Variants in EPHB2 observed in about 807,000 individuals in gnomAD.
The protein encoded by EPHB2 is ephrin type-B receptor 2.
EPHB2 carries 18 observed loss-of-function variants against 96.4 expected under a neutral mutation model. That is an observed-to-expected ratio of 0.19 (90% CI 0.13 to 0.28). EPHB2 has a LOEUF of 0.28. Among genes scored for constraint, EPHB2 ranks in the 10% least tolerant of loss-of-function variants. EPHB2 has a pLI of 1.00. For synonymous variants in EPHB2, 506 were observed against 534.1 expected (o/e 0.95, Z 0.72); for missense variants, 989 against 1,355.4 (o/e 0.73, Z 4.25).
intron 3 of EPHB2, among the ~76,000 whole-genome samples, chr1:22,811,231 G>A (rs1644997810): frequency 6.6e-6 from 1 of 152,136 alleles, no homozygotes; most frequent in South Asian, 2.1e-4. Flanking sequence ...TGTGCTTTGG[G>A]TACCACTGGC....
chr1:22,802,664 C>T (rs919517155), intron 3 of EPHB2, among the ~76,000 whole-genome samples: 5 of 152,136 alleles, frequency 3.3e-5, no homozygotes, highest in African/African-American at 7.2e-5. Context: ...CACCCAGCCC[C>T]ACCCCCAACT....
intron 1 of EPHB2, 53 bp downstream of exon 1, chr1:22,711,096 G>T: frequency 6.8e-6 from 1 of 147,174 alleles, no homozygotes; most frequent in South Asian, 1.8e-4. Context: ...GGCCGGGCAC[G>T]GGCGGCCGCC....
rs1261896962 is a variant in EPHB2, at chr1:22,790,760, G to A, written c.811+5684G>A. 3.9e-5 allele frequency among the ~76,000 whole-genome samples: 6 copies of A among 152,368 alleles called. No homozygotes were observed. The South Asian group carries it at 6.2e-4, about 16-fold the overall frequency. On this transcript the variant is annotated intron_variant, in intron 3 of 15. Coordinates refer to ENST00000374630, the MANE Select transcript of EPHB2 (RefSeq NM_017449.5). This position sits in a 1 kb window ranked among gnomAD's most constrained non-coding sequence, Gnocchi z 4.0. ...CATGATTGCTGCGATGCTATCGGACGTAATGGGATTTTTAATATTTAGCTT... is the reference window on the plus strand; with the variant it reads ...CATGATTGCTGCGATGCTATCGGACATAATGGGATTTTTAATATTTAGCTT...
intron 13 of EPHB2, among the ~76,000 whole-genome samples, 171 bp from the exon 14 acceptor site, chr1:22,910,211 G>T (rs1397258332): frequency 6.6e-6 from 1 of 152,186 alleles, no homozygotes; most frequent in African/African-American, 2.4e-5. Context: ...GGTCTAGATG[G>T]TGGAAACCCA....
rs189771046 is a variant in EPHB2, at chr1:22,743,973, G to A, written c.61+32930G>A. 7.9e-5 allele frequency among the ~76,000 whole-genome samples: 12 copies of A among 152,264 alleles called. No individual in the cohort carries two copies. In the South Asian group the frequency reaches 1.9e-3, roughly 24 times the overall value. On this transcript the variant is annotated intron_variant, in intron 1 of 15. Coordinates refer to ENST00000374630, the MANE Select transcript of EPHB2 (RefSeq NM_017449.5). ...CTTATCTGAACCCCCAAATTACAAC[G>A]TAGGAGTTCTAACAAAGAGTTTATA...
chr1:22,716,732 C>G (rs1643304733), intron 1 of EPHB2, among the ~76,000 whole-genome samples: 1 of 152,222 alleles, frequency 6.6e-6, no homozygotes, highest in Admixed American at 6.5e-5. Flanking sequence ...TGAGTTTAGA[C>G]TGGAGACTGG....
intron 3 of EPHB2, among the ~76,000 whole-genome samples, chr1:22,818,691 G>A (rs953099831): frequency 6.6e-6 from 1 of 151,956 alleles, no homozygotes; most frequent in Non-Finnish European, 1.5e-5. Context: ...CTGTTCTCTA[G>A]GCCTAGAATT....
At chr1:22,862,445 A>T (rs1638295039) in intron 3 of EPHB2, among the ~76,000 whole-genome samples, 1 of 152,214 alleles carries the variant, frequency 6.6e-6, no homozygotes. Flanking sequence ...TAGAATCCTA[A>T]TTTTACAAAT....
intron 9 of EPHB2, among the ~76,000 whole-genome samples, chr1:22,898,140 GA>G (rs1029176213): frequency 1.4e-4 from 21 of 147,854 alleles, no homozygotes; most frequent in Admixed American, 4.7e-4. Context: ...AAAAACAAAA[GA>G]AAAAAGAAGA....
intron 3 of EPHB2, among the ~76,000 whole-genome samples, chr1:22,797,633 G>A (rs183365948): frequency 2.6e-5 from 4 of 152,140 alleles, no homozygotes; most frequent in African/African-American, 2.4e-5. Flanking sequence ...TCTCCTGGCC[G>A]CCTCCACCCT....
At chr1:22,815,332 C>G (rs2148466776) in intron 3 of EPHB2, among the ~76,000 whole-genome samples, 1 of 152,340 alleles carries the variant, frequency 6.6e-6, no homozygotes, top group East Asian at 1.9e-4. Flanking sequence ...GCCTAAGACC[C>G]TCACACCGAA....
chr1:22,808,453 A>T (rs1357998769), intron 3 of EPHB2, among the ~76,000 whole-genome samples: 1 of 152,220 alleles, frequency 6.6e-6, no homozygotes, highest in Admixed American at 6.5e-5. Context: ...CACAGGGCAG[A>T]CATACCAAAT....
At chr1:22,829,935 A>G (rs764113176) in intron 3 of EPHB2, among the ~76,000 whole-genome samples, 3 of 152,212 alleles carry the variant, frequency 2.0e-5, no homozygotes, top group Non-Finnish European at 1.5e-5. Flanking sequence ...AGTGATGGCA[A>G]TGGGGCAGGA....
chr1:22,837,951 G>A (rs1367021063), intron 3 of EPHB2, among the ~76,000 whole-genome samples: 1 of 151,814 alleles, frequency 6.6e-6, no homozygotes, highest in Non-Finnish European at 1.5e-5. Flanking sequence ...GACCCAAGGT[G>A]GGGCTTGGCC....
chr1:22,759,997 C>T (rs1644212738), intron 1 of EPHB2, among the ~76,000 whole-genome samples: 1 of 152,146 alleles, frequency 6.6e-6, no homozygotes, highest in Non-Finnish European at 1.5e-5. Flanking sequence ...GAGGCTTGTG[C>T]ACTCTATGGG....
At chr1:22,755,664 A>G (rs1644137791) in intron 1 of EPHB2, among the ~76,000 whole-genome samples, 1 of 152,150 alleles carries the variant, frequency 6.6e-6, no homozygotes, top group Non-Finnish European at 1.5e-5. Flanking sequence ...CAATTACTTC[A>G]CTGCAAAGTG....
chr1:22,839,244 A>G (rs1233038657), intron 3 of EPHB2, among the ~76,000 whole-genome samples: 3 of 152,192 alleles, frequency 2.0e-5, no homozygotes, highest in African/African-American at 7.2e-5. Flanking sequence ...CCACCAGTCA[A>G]TTGGTCAGAG....
At chr1:22,824,279 G>A (rs1645193080) in intron 3 of EPHB2, among the ~76,000 whole-genome samples, 2 of 150,558 alleles carry the variant, frequency 1.3e-5, no homozygotes, top group African/African-American at 4.9e-5. Flanking sequence ...AAGGGAGGGA[G>A]GGAAGAAGGA....
chr1:22,826,816 G>C (rs559324740), intron 3 of EPHB2, among the ~76,000 whole-genome samples: 1 of 151,970 alleles, frequency 6.6e-6, no homozygotes, highest in Non-Finnish European at 1.5e-5. Flanking sequence ...ATGCTGTCAC[G>C]CCTGCCTCCC....
Sources: gnomAD v4.1 joint callset for allele counts (sites outside exome capture counted in the v4.1 genomes callset) on GRCh38, gnomAD v4.1.1 for gene constraint, Gnocchi (gnomAD v3.1) non-coding constraint, MANE v1.5 for transcripts, NCBI Gene and HGNC (gene_info 2026-07-23, HGNC 2026-07-21) for gene names.